The following CTSH variants were observed in gnomAD, a reference collection of about 807,000 sequenced individuals.
The protein encoded by CTSH is pro-cathepsin H.
In CTSH, 52 loss-of-function variants were observed where a neutral mutation model predicts 56.3. That is an observed-to-expected ratio of 0.92 (90% CI 0.74 to 1.16). The LOEUF (loss-of-function observed/expected upper bound fraction) is 1.16, where lower values mean the gene tolerates loss of function less well. CTSH is among the 50% of genes most tolerant of loss of function. The pLI is 0.00. For synonymous variants in CTSH, 174 were observed against 155.7 expected (o/e 1.12, Z -0.88); for missense variants, 406 against 424.5 (o/e 0.96, Z 0.38).
At chr15:78,927,643 T>G (rs2054939890) in intron 9 of CTSH, 70 bp downstream of exon 9, 1 of 1,405,676 alleles carries the variant, frequency 7.1e-7, no homozygotes, top group African/African-American at 1.4e-5. Context: ...GCCCACTGGC[T>G]ATCCGACAGC....
Position 78,921,971 on chromosome 15 carries a change from CCTT to C in CTSH, c.*156_*158del, listed in dbSNP as rs1308379534. On this transcript the variant is annotated 3_prime_UTR_variant, in exon 12 of 12. Coordinates refer to ENST00000220166, the MANE Select transcript of CTSH (RefSeq NM_004390.5). ...CGGGTGAGCTCATGGTGGAACTCCTCCTTGTCTGTAGGTTTCCAGGCTGGGCAC... is the reference window on the plus strand; with the variant it reads ...CGGGTGAGCTCATGGTGGAACTCCTCGTCTGTAGGTTTCCAGGCTGGGCAC... 2.3e-5 allele frequency: 15 copies of C among 643,558 alleles called. No individual in the cohort carries two copies. The highest frequency in any genetic ancestry group is 4.1e-4 in the Middle Eastern group (1 of 2,410). The allele number at this position is 643,558 out of a possible 1,614,324, so 39.9% of individuals were successfully genotyped here.
rs35398112 is a variant in CTSH at position 78,939,181 on chromosome 15, G to GA, written c.92-11dup. The GA allele has an allele frequency of 0.54, 751,086 of 1,383,866 alleles. 180,037 individuals are homozygous for GA. Among genetic ancestry groups the GA allele is most frequent in the Non-Finnish European group, 0.59 (586,817 of 997,830 alleles). The allele number at this position is 1,383,866 out of a possible 1,614,324, so 85.7% of individuals were successfully genotyped here. On this transcript the variant is annotated splice_polypyrimidine_tract_variant and intron_variant, in intron 1 of 11. Coordinates refer to ENST00000220166, the MANE Select transcript of CTSH (RefSeq NM_004390.5). Reference sequence around the variant, plus strand: ...TTGAAGTGAAACTTCTCTGTAAAAAGAAAAAAAAAATTAGGTCTGGGCGCA... The same window carrying GA: ...TTGAAGTGAAACTTCTCTGTAAAAAGAAAAAAAAAAATTAGGTCTGGGCGCA...
chr15:78,937,750 A>G lies in CTSH; in HGVS notation c.124-327T>C, dbSNP rs16970296. On this transcript the variant is annotated intron_variant, in intron 2 of 11. Transcript: ENST00000220166. Reference sequence around the variant, plus strand: ...CTGGGTCAAGTTTACAGCAAAGATCACCATTTTTCAAAAGCACATGCACTG... The same window carrying G: ...CTGGGTCAAGTTTACAGCAAAGATCGCCATTTTTCAAAAGCACATGCACTG... The G allele has an allele frequency of 9.7e-3, 12,915 of 1,325,812 alleles. 451 individuals are homozygous for G. The East Asian group carries it at 0.14, about 15-fold the overall frequency. 82.1% of individuals were successfully genotyped at this position (1,325,812 alleles called of 1,614,324 possible).
intron 7 of CTSH, among the ~76,000 whole-genome samples, chr15:78,930,423 A>T (rs1178455095): frequency 6.6e-6 from 1 of 152,166 alleles, no homozygotes; most frequent in African/African-American, 2.4e-5. Flanking sequence ...GCTCCCTGGG[A>T]GGCTGAGGCA....
rs866745703 is a variant in CTSH at position 78,922,131 on chromosome 15, C to A, written c.1007G>T (p.Ter336LeuextTer99). 6.4e-7 allele frequency: 1 copy of A among 1,567,924 alleles called. No individual in the cohort carries two copies. The highest frequency in any genetic ancestry group is 2.3e-5 in the East Asian group (1 of 42,760). ...ACASYPIPLV[*>L] The stretch of plus-strand genomic sequence containing the variant: ...AGTCTGCGCTGCGGCTGCCACGGCT[C>A]ACACCAGAGGGATGGGGTAGGAGGC... Residue 336 changes from the stop codon to leucine, a stop_lost, in exon 12 of 12, where the codon TGA becomes TTA. Coordinates refer to ENST00000220166, the MANE Select transcript of CTSH (RefSeq NM_004390.5).
At chr15:78,932,654 G>A (rs1056179630) in intron 5 of CTSH, among the ~76,000 whole-genome samples, 196 bp from the exon 6 acceptor site, 1 of 148,934 alleles carries the variant, frequency 6.7e-6, no homozygotes, top group African/African-American at 2.6e-5. Flanking sequence ...TCTGAGGCTC[G>A]CAAGCCCTGT....
At chr15:78,940,581 T>C (rs2055267628) in intron 1 of CTSH, among the ~76,000 whole-genome samples, 1 of 151,918 alleles carries the variant, frequency 6.6e-6, no homozygotes, top group South Asian at 2.1e-4. Context: ...GTTATATCAT[T>C]CTTTTAAAGC....
At chr15:78,927,592 CTCG>C (rs2141525576) in intron 9 of CTSH, 118 bp downstream of exon 9, 1 of 836,492 alleles carries the variant, frequency 1.2e-6, no homozygotes, top group Non-Finnish European at 2.0e-6. Flanking sequence ...ATAATATGAA[CTCG>C]TCAAAGGGAT....
chr15:78,931,977 CT>C, intron 6 of CTSH: 1 of 1,151,146 alleles, frequency 8.7e-7, no homozygotes, highest in Non-Finnish European at 1.1e-6. Flanking sequence ...CATCATCCGT[CT>C]CTTGTGGGCG....
chr15:78,925,524 G>A (rs749007864), intron 9 of CTSH, 84 bp from the exon 10 acceptor site: 14 of 896,694 alleles, frequency 1.6e-5, no homozygotes, highest in Non-Finnish European at 2.5e-5. Context: ...CTCAAGCTAG[G>A]GGCTAGAGGC....
At chr15:78,940,818 G>C (rs1201077975) in intron 1 of CTSH, among the ~76,000 whole-genome samples, 1 of 152,144 alleles carries the variant, frequency 6.6e-6, no homozygotes, top group Non-Finnish European at 1.5e-5. Flanking sequence ...AATTAGCTGG[G>C]CATGGTGGCA....
At chr15:78,943,774 C>T (rs1019916812) in intron 1 of CTSH, among the ~76,000 whole-genome samples, 1 of 152,190 alleles carries the variant, frequency 6.6e-6, no homozygotes, top group Non-Finnish European at 1.5e-5. Context: ...AGTTATTTAC[C>T]GTCTGGTCTT....
At chr15:78,924,184 G>A (rs1411233098) in intron 10 of CTSH, among the ~76,000 whole-genome samples, 1 of 150,212 alleles carries the variant, frequency 6.7e-6, no homozygotes, top group Non-Finnish European at 1.5e-5. Flanking sequence ...ACCCTTCTGC[G>A]TGGCTGGGGT....
intron 10 of CTSH, 66 bp downstream of exon 10, chr15:78,925,268 G>A: frequency 1.0e-6 from 1 of 994,452 alleles, no homozygotes. Flanking sequence ...TCCCACGAGT[G>A]GGGTGTGAGG....
chr15:78,932,520 C>T, intron 5 of CTSH, 62 bp from the exon 6 acceptor site: 1 of 1,330,016 alleles, frequency 7.5e-7, no homozygotes, highest in Admixed American at 1.7e-5. Context: ...ACAGCCCTGC[C>T]TTCTGCCTTC....
intron 2 of CTSH, among the ~76,000 whole-genome samples, chr15:78,938,858 A>G (rs535853833): frequency 6.6e-6 from 1 of 152,246 alleles, no homozygotes; most frequent in East Asian, 1.9e-4. Context: ...CAATGGTTGT[A>G]CTAATTTACA....
intron 9 of CTSH, 43 bp from the exon 10 acceptor site, chr15:78,925,483 T>A: frequency 7.6e-7 from 1 of 1,315,306 alleles, no homozygotes; most frequent in African/African-American, 1.5e-5. Flanking sequence ...GCCTGTCACC[T>A]CCCCACTCCT....
intron 5 of CTSH, chr15:78,934,735 G>A (rs946779011): frequency 3.4e-5 from 19 of 553,448 alleles, no homozygotes; most frequent in Admixed American, 1.0e-4. Flanking sequence ...AATCTGGGGC[G>A]TGGGGAAGGA....
At chr15:78,923,812 A>G (rs989508246) in intron 10 of CTSH, among the ~76,000 whole-genome samples, 2 of 152,180 alleles carry the variant, frequency 1.3e-5, no homozygotes, top group Non-Finnish European at 2.9e-5. Flanking sequence ...CAAAAATACA[A>G]CTTTTTCTGT....
Sources: gnomAD v4.1 joint callset for allele counts (sites outside exome capture counted in the v4.1 genomes callset) on GRCh38, gnomAD v4.1.1 for gene constraint, MANE v1.5 for transcripts, NCBI Gene and HGNC (gene_info 2026-07-23, HGNC 2026-07-21) for gene names.